The following SDAD1 variants were observed in gnomAD, a reference collection of about 807,000 sequenced individuals.
SDAD1 encodes SDA1 domain containing 1, also known as protein SDA1 homolog.
In SDAD1, 79 loss-of-function variants were observed where a neutral mutation model predicts 100.3. The observed-to-expected ratio is 0.79, with a 90% CI of 0.66 to 0.95. The LOEUF (loss-of-function observed/expected upper bound fraction) is 0.95. SDAD1 is among the 40% of genes least tolerant of loss of function. The pLI is 0.00. For synonymous variants in SDAD1, 267 were observed against 271.4 expected, an observed-to-expected ratio of 0.98 and a Z score of 0.16; for missense variants, 790 against 810.9, an observed-to-expected ratio of 0.97 and a Z score of 0.31.
rs763694893 is a variant in SDAD1, at chr4:75,956,115, CT to C, written c.1875del (p.Glu626AsnfsTer3). 1.2e-6 allele frequency: 2 copies of C among 1,607,802 alleles called. No individual in the cohort carries two copies. The highest frequency in any genetic ancestry group is 1.1e-5 in the South Asian group (1 of 89,154). ...GTTTTGGTTTTCTTCCTCACAAATT[CT>C]TTTCGGTCTGTCTTTCCAGCCTACC... is the stretch of plus-strand genomic sequence containing the variant. ...ATAMAGKTDR[K>X]EFVRKKTKTN... On this transcript the variant is annotated frameshift_variant, in exon 21 of 22. Transcript: ENST00000356260. LOFTEE classifies it high-confidence loss of function.
At chr4:75,967,677 T>C (rs746247595) in intron 11 of SDAD1, among the ~76,000 whole-genome samples, 1 of 152,220 alleles carries the variant, frequency 6.6e-6, no homozygotes, top group Non-Finnish European at 1.5e-5. Context: ...GAGGGGATTA[T>C]AGGAAGGAAC....
In SDAD1 at chr4:75,981,947, T is replaced by A; in HGVS notation, c.181A>T (p.Met61Leu). The change falls in exon 2 of 22, where the codon ATG (methionine) becomes TTG (leucine). Residue 61 changes from methionine to leucine, a missense_variant. Transcript: ENST00000356260. ...TATATTCTTACCTGTGCCATAAACATCACCAGCTCTGCTAGTTCTTTGCTG... is the reference window on the plus strand; with the variant it reads ...TATATTCTTACCTGTGCCATAAACAACACCAGCTCTGCTAGTTCTTTGCTG... ...KPSKELAELV[M>L]FMAQISHCYP... 6.2e-7 allele frequency: 1 copy of A among 1,607,424 alleles called. No homozygotes were observed. The highest frequency in any genetic ancestry group is 1.1e-5 in the South Asian group (1 of 90,358).
intron 13 of SDAD1, 27 bp from the exon 14 acceptor site, chr4:75,964,238 G>A (rs763129849): frequency 1.4e-5 from 20 of 1,464,716 alleles, no homozygotes; most frequent in Non-Finnish European, 1.8e-5. Flanking sequence ...AAAGAGATGG[G>A]TGCTGATTAA....
intron 9 of SDAD1, 48 bp downstream of exon 9, chr4:75,971,309 T>C: frequency 7.8e-7 from 1 of 1,276,292 alleles, no homozygotes; most frequent in Non-Finnish European, 1.1e-6. Flanking sequence ...CGACAACATA[T>C]TCTTCACTCT....
At chr4:75,960,996 C>G in intron 16 of SDAD1, 32 bp downstream of exon 16, 1 of 1,584,468 alleles carries the variant, frequency 6.3e-7, no homozygotes, top group Non-Finnish European at 8.7e-7. Context: ...GAGACCATAA[C>G]CTTTAGACCA....
In SDAD1 at chr4:75,981,970, C is replaced by G. The variant is rs753966092; in HGVS notation, c.158G>C (p.Ser53Thr). The G allele has an allele frequency of 1.9e-6, 3 of 1,611,822 alleles. No individual in the cohort carries two copies. Among genetic ancestry groups the G allele is most frequent in the Non-Finnish European group, 2.5e-6 (3 of 1,179,358 alleles). ...EIFKLQPNKP[S>T]KELAELVMFM... ...CATCACCAGCTCTGCTAGTTCTTTG[C>G]TGGGTTTATTTGGTTGCAATTTGAA... The change falls in exon 2 of 22, where the codon AGC (serine) becomes ACC (threonine). Residue 53 changes from serine (S) to threonine (T), a missense_variant. Physicochemically the swap from Ser to Thr is moderately conservative, Grantham distance 58. Transcript: ENST00000356260.
intron 7 of SDAD1, 35 bp from the exon 8 acceptor site, chr4:75,973,426 T>C (rs376710305): frequency 6.7e-4 from 981 of 1,464,332 alleles, no homozygotes; most frequent in Non-Finnish European, 8.1e-4. Context: ...AGCTACTTGA[T>C]TCAGCTTAAA....
intron 21 of SDAD1, among the ~76,000 whole-genome samples, chr4:75,953,176 C>T (rs1390448831): frequency 6.6e-6 from 1 of 152,124 alleles, no homozygotes; most frequent in Non-Finnish European, 1.5e-5. Flanking sequence ...GTGCATATGT[C>T]CAATGAAATC....
At chr4:75,950,850 C>T (rs1441668741) in intron 21 of SDAD1, 53 bp from the exon 22 acceptor site, 46 of 1,267,020 alleles carry the variant, frequency 3.6e-5, no homozygotes, top group Middle Eastern at 2.0e-4. Context: ...CCCTATTATA[C>T]GAATTTGGTT....
intron 3 of SDAD1, among the ~76,000 whole-genome samples, chr4:75,978,367 T>G (rs1730277964): frequency 6.6e-6 from 1 of 151,624 alleles, no homozygotes. Context: ...TTTTTTTTTT[T>G]TTTTCTATTT....
At chr4:75,983,819 T>G (rs919038496) in intron 1 of SDAD1, among the ~76,000 whole-genome samples, 3 of 152,224 alleles carry the variant, frequency 2.0e-5, no homozygotes, top group Non-Finnish European at 4.4e-5. Flanking sequence ...AATTTTGGCT[T>G]TTGTTGCCAT....
chr4:75,960,008 G>A, intron 17 of SDAD1, 58 bp downstream of exon 17: 1 of 1,544,364 alleles, frequency 6.5e-7, no homozygotes, highest in Non-Finnish European at 8.7e-7. Context: ...CAATTTAAAG[G>A]TCTGCACAGA....
chr4:75,968,460 T>TGATAAGGA (rs1216759828), intron 11 of SDAD1, among the ~76,000 whole-genome samples: 1 of 152,188 alleles, frequency 6.6e-6, no homozygotes, highest in Non-Finnish European at 1.5e-5. Flanking sequence ...GGAAAAACCT[T>TGATAAGGA]AATGGTCATT....
In SDAD1 at chr4:75,969,363, C is replaced by A; in HGVS notation, c.920G>T (p.Cys307Phe). 6.2e-7 allele frequency: 1 copy of A among 1,613,796 alleles called. No homozygotes were observed. Among genetic ancestry groups the A allele is most frequent in the Non-Finnish European group, 8.5e-7 (1 of 1,179,848 alleles). ...CATCTTCACTTCAAACCTCTCCTTA[C>A]AGCACTCAAGCTGCTTTAGTAGTTT... ...AEKLLKQLEC[C>F]KERFEVKMML... Residue 307 changes from cysteine to phenylalanine, a missense_variant, in exon 11 of 22, where the codon TGT (cysteine) becomes TTT (phenylalanine). Coordinates refer to ENST00000356260, the MANE Select transcript of SDAD1 (RefSeq NM_018115.4).
At chr4:75,963,504 ATTC>A (rs1356326074) in intron 14 of SDAD1, among the ~76,000 whole-genome samples, 3 of 152,086 alleles carry the variant, frequency 2.0e-5, no homozygotes, top group African/African-American at 7.2e-5. Flanking sequence ...CATGATATTG[ATTC>A]TTCCTATCCA....
At chr4:75,955,547 G>C (rs376259230) in intron 21 of SDAD1, among the ~76,000 whole-genome samples, 49 of 152,194 alleles carry the variant, frequency 3.2e-4, no homozygotes, top group African/African-American at 1.0e-3. Context: ...CTCCAGCCTG[G>C]ATAGCAGAGT....
rs62639704 is a variant in SDAD1 at position 75,971,393 on chromosome 4, G to A, written c.777C>T (p.Asn259=). Residue 259 remains asparagine, a synonymous_variant, in exon 9 of 22, where the codon AAC becomes AAT. Transcript: ENST00000356260. ...TCATTGCCTTTTCCAACTTTTTCTT[G>A]TTTTTGGAACTTTTCTTCCCTGTAG... ...QYATGKKSSK[N]KKKLEKAMKV... is the part of the protein sequence containing the mutation. 1.9e-3 allele frequency: 3,019 copies of A among 1,613,798 alleles called. 48 individuals are homozygous for A. The African/African-American group carries it at 0.036, about 19-fold the overall frequency.
At chr4:75,959,117 A>C (rs1330130938) in intron 17 of SDAD1, among the ~76,000 whole-genome samples, 14 of 148,456 alleles carry the variant, frequency 9.4e-5, no homozygotes, top group African/African-American at 3.3e-4. Context: ...AAAAAAAAAA[A>C]AAAAAAAAAA....
intron 21 of SDAD1, among the ~76,000 whole-genome samples, chr4:75,953,959 T>C (rs751006032): frequency 1.3e-5 from 2 of 152,206 alleles, no homozygotes; most frequent in Non-Finnish European, 2.9e-5. Context: ...CCAAAGCCTG[T>C]AAACATCAGG....
Sources: allele counts gnomAD v4.1 joint callset (sites outside exome capture counted in the v4.1 genomes callset), GRCh38; gene constraint gnomAD v4.1.1; transcripts MANE v1.5; gene names NCBI Gene and HGNC (gene_info 2026-07-23, HGNC 2026-07-21).